Variants in CAST observed in about 807,000 individuals in gnomAD.
CAST encodes the protein calpastatin.
A neutral mutation model predicts 119.6 loss-of-function variants in CAST; 76 were observed. The observed-to-expected ratio is 0.64, with a 90% confidence interval of 0.53 to 0.77. The LOEUF is 0.77. Among genes scored for constraint, CAST ranks in the 30% least tolerant of loss-of-function variants. The pLI is 0.00. For synonymous variants in CAST, 319 were observed against 331.6 expected (o/e 0.96, Z 0.41); for missense variants, 953 against 946.5 (o/e 1.01, Z -0.09).
chr5:96,021,905 AT>A, the CAST span, among the ~76,000 whole-genome samples: 1 of 152,236 alleles, frequency 6.6e-6, no homozygotes, highest in Non-Finnish European at 1.5e-5. Flanking sequence ...CTTGCCTATC[AT>A]TGGATTCCAC....
the CAST span, among the ~76,000 whole-genome samples, chr5:96,264,679 A>G: frequency 1.3e-5 from 2 of 152,352 alleles, no homozygotes; most frequent in East Asian, 3.9e-4. Flanking sequence ...ATTCCTATTC[A>G]TCCTGTGGGC....
chr5:96,485,489 A>C, the CAST span, among the ~76,000 whole-genome samples: 2 of 152,204 alleles, frequency 1.3e-5, no homozygotes, highest in Non-Finnish European at 2.9e-5. Flanking sequence ...GTAAAAAATC[A>C]TAGAGCCGAT....
chr5:96,358,370 T>C, the CAST span, among the ~76,000 whole-genome samples: 1 of 152,224 alleles, frequency 6.6e-6, no homozygotes, highest in Admixed American at 6.5e-5. Context: ...TGTCTTCTGC[T>C]AGCTTTTGAA....
the CAST span, among the ~76,000 whole-genome samples, chr5:96,396,344 T>C: frequency 1.3e-5 from 2 of 152,198 alleles, no homozygotes; most frequent in Non-Finnish European, 2.9e-5. Flanking sequence ...GTAAATCACC[T>C]GAGGTAAGGA....
the CAST span, among the ~76,000 whole-genome samples, chr5:96,356,253 A>G: frequency 6.6e-6 from 1 of 152,152 alleles, no homozygotes. Flanking sequence ...AGATGAATAG[A>G]TTGCAAAAAT....
the CAST span, among the ~76,000 whole-genome samples, chr5:96,384,736 G>T: frequency 6.6e-6 from 1 of 152,214 alleles, no homozygotes; most frequent in South Asian, 2.1e-4. Flanking sequence ...CTAGGAGATA[G>T]TGTCTTTCCA....
At chr5:96,475,778 AAG>A in the CAST span, among the ~76,000 whole-genome samples, 2 of 152,138 alleles carry the variant, frequency 1.3e-5, no homozygotes, top group Non-Finnish European at 2.9e-5. Flanking sequence ...GAGACTACAA[AAG>A]AGGGGACCTG....
At chr5:96,307,566 G>A in the CAST span, among the ~76,000 whole-genome samples, 2 of 152,142 alleles carry the variant, frequency 1.3e-5, no homozygotes, top group African/African-American at 4.8e-5. Flanking sequence ...TTACAATTTG[G>A]CATGTTTGTG....
intron 20 of CAST, among the ~76,000 whole-genome samples, chr5:96,752,961 T>TACACACACACACACACAC (rs112835890): frequency 1.4e-5 from 2 of 143,320 alleles, no homozygotes; most frequent in South Asian, 2.2e-4. Context: ...ATGCATTTTA[T>TACACACACACACACACAC]ACACACACAC....
the CAST span, among the ~76,000 whole-genome samples, chr5:96,450,278 T>C: frequency 1.3e-5 from 2 of 152,190 alleles, no homozygotes; most frequent in African/African-American, 4.8e-5. Context: ...AAAATAAAAT[T>C]ATGTCTTTTG....
chr5:96,723,903 G>C (rs1758762169), intron 4 of CAST, among the ~76,000 whole-genome samples: 1 of 152,162 alleles, frequency 6.6e-6, no homozygotes, highest in Non-Finnish European at 1.5e-5. Flanking sequence ...TATCCCAGGT[G>C]ATGTGGCACT....
chr5:96,617,233 A>G (rs1747477422), intron 1 of CAST, among the ~76,000 whole-genome samples: 1 of 151,224 alleles, frequency 6.6e-6, no homozygotes, highest in Admixed American at 6.6e-5. Flanking sequence ...CCTATAAAAG[A>G]GCACACACAC....
the CAST span, among the ~76,000 whole-genome samples, chr5:96,065,747 T>A: frequency 6.6e-6 from 1 of 151,970 alleles, no homozygotes; most frequent in Non-Finnish European, 1.5e-5. Flanking sequence ...TGCCAGAGAG[T>A]GAATTCTCTT....
At chr5:96,193,303 A>G in the CAST span, among the ~76,000 whole-genome samples, 500 of 152,154 alleles carry the variant, frequency 3.3e-3, 5 homozygotes, top group African/African-American at 0.011. Flanking sequence ...ATATCATGCG[A>G]TATTTATTGT....
intron 3 of CAST, among the ~76,000 whole-genome samples, chr5:96,708,414 T>G (rs988242516): frequency 2.6e-5 from 4 of 152,338 alleles, no homozygotes; most frequent in African/African-American, 9.6e-5. Context: ...TATTTTTGAT[T>G]TGGGGCTTTT....
At chr5:96,491,285 A>G in the CAST span, among the ~76,000 whole-genome samples, 1 of 151,186 alleles carries the variant, frequency 6.6e-6, no homozygotes, top group Non-Finnish European at 1.5e-5. Context: ...GGAGATCGAG[A>G]CCATCCTGGC....
intron 2 of CAST, among the ~76,000 whole-genome samples, chr5:96,689,476 C>T (rs749166834): frequency 2.0e-5 from 3 of 152,190 alleles, no homozygotes; most frequent in African/African-American, 7.2e-5. Context: ...ATACCGTAAG[C>T]ATTTTTTTTC....
chr5:96,627,824 T>A (rs1457041784), intron 1 of CAST, among the ~76,000 whole-genome samples: 2 of 152,212 alleles, frequency 1.3e-5, no homozygotes, highest in Non-Finnish European at 2.9e-5. Flanking sequence ...TCAAGTCCTA[T>A]CCCTTAGAAG....
the CAST span, among the ~76,000 whole-genome samples, chr5:96,293,067 G>T: frequency 6.6e-6 from 1 of 152,150 alleles, no homozygotes; most frequent in Non-Finnish European, 1.5e-5. Flanking sequence ...TTCTCTGGCC[G>T]GGATTCAACC....
Sources: allele counts gnomAD v4.1 joint callset (sites outside exome capture counted in the v4.1 genomes callset), GRCh38; gene constraint gnomAD v4.1.1; transcripts MANE v1.5; gene names NCBI Gene and HGNC (gene_info 2026-07-23, HGNC 2026-07-21).